SPATS2L: variants seen among roughly 807,000 people sequenced by gnomAD.
SPATS2L encodes SPATS2-like protein.
SPATS2L carries 30 observed loss-of-function variants against 59.6 expected under a neutral mutation model. That is an observed-to-expected ratio of 0.50 (90% CI 0.38 to 0.68). The LOEUF (loss-of-function observed/expected upper bound fraction) is 0.68. Ranked by LOEUF, SPATS2L falls within the 30% of genes least tolerant of loss-of-function variation. SPATS2L has a pLI of 0.00. For missense variants in SPATS2L, 615 were observed against 700.0 expected (o/e 0.88, Z 1.37); for synonymous variants, 252 against 263.5 (o/e 0.96, Z 0.42).
chr2:200,368,891 A>C (rs1490681840), intron 2 of SPATS2L, among the ~76,000 whole-genome samples: 1 of 152,206 alleles, frequency 6.6e-6, no homozygotes, highest in East Asian at 1.9e-4. Flanking sequence ...TTACATATAC[A>C]TATATAAAAT....
At chr2:200,325,628 C>T (rs890861788) in intron 1 of SPATS2L, among the ~76,000 whole-genome samples, 1 of 152,152 alleles carries the variant, frequency 6.6e-6, no homozygotes, top group Admixed American at 6.5e-5. Flanking sequence ...ATCTGCCTGC[C>T]TTAGCCTCCC....
intron 1 of SPATS2L, among the ~76,000 whole-genome samples, chr2:200,314,219 T>A (rs1403144528): frequency 6.6e-6 from 1 of 152,198 alleles, no homozygotes; most frequent in Non-Finnish European, 1.5e-5. Flanking sequence ...GTGTTTTCTA[T>A]CTCAATGAAT....
intron 2 of SPATS2L, among the ~76,000 whole-genome samples, chr2:200,350,088 T>A (rs2080667455): frequency 6.6e-6 from 1 of 152,046 alleles, no homozygotes; most frequent in East Asian, 1.9e-4. Context: ...TTGGGTTCAG[T>A]TTTCTAGAGA....
intron 11 of SPATS2L, 83 bp downstream of exon 11, chr2:200,470,099 C>A: frequency 9.0e-7 from 1 of 1,113,256 alleles, no homozygotes; most frequent in Non-Finnish European, 1.3e-6. Context: ...GTCAGGTGTG[C>A]AGTCCCCCCA....
intron 2 of SPATS2L, among the ~76,000 whole-genome samples, chr2:200,367,815 A>G (rs1256849243): frequency 6.6e-6 from 1 of 152,232 alleles, no homozygotes; most frequent in Non-Finnish European, 1.5e-5. Flanking sequence ...ATTTAGCTGC[A>G]TTCTTTAAAA....
chr2:200,470,153 A>C, intron 11 of SPATS2L, 137 bp downstream of exon 11: 80 of 639,066 alleles, frequency 1.3e-4, no homozygotes, highest in East Asian at 1.7e-4. Context: ...ATCTAAGCTC[A>C]TGACACAAGT....
intron 1 of SPATS2L, among the ~76,000 whole-genome samples, chr2:200,328,037 A>G (rs887863234): frequency 9.2e-5 from 14 of 152,110 alleles, no homozygotes; most frequent in African/African-American, 2.9e-4. Flanking sequence ...CAAGCATCCC[A>G]TTGGTTTTCT....
At chr2:200,308,795 A>G (rs1276122086) in intron 1 of SPATS2L, 3 of 425,752 alleles carry the variant, frequency 7.0e-6, no homozygotes, top group African/African-American at 6.1e-5. Flanking sequence ...CCCTGAAAAT[A>G]TTAAATGATT....
At chr2:200,468,508 C>G (rs2086787409) in intron 10 of SPATS2L, among the ~76,000 whole-genome samples, 1 of 152,196 alleles carries the variant, frequency 6.6e-6, no homozygotes. Flanking sequence ...TGGCAAGTGA[C>G]TTTTCAACTC....
At chr2:200,457,458 A>G (rs770292571) in intron 8 of SPATS2L, among the ~76,000 whole-genome samples, 1 of 152,238 alleles carries the variant, frequency 6.6e-6, no homozygotes, top group Non-Finnish European at 1.5e-5. Context: ...GTTGGGGCAG[A>G]GATGGGATAA....
chr2:200,378,160 C>T, intron 2 of SPATS2L: 1 of 931,084 alleles, frequency 1.1e-6, no homozygotes, highest in Middle Eastern at 3.8e-4. Flanking sequence ...GCCACCAACC[C>T]CCTGCTGATT....
rs2087782345 is a variant in SPATS2L at position 200,481,779 on chromosome 2, C to T, written c.*3748C>T. On this transcript the variant is annotated 3_prime_UTR_variant, in exon 13 of 13. Coordinates refer to ENST00000409140, the MANE Select transcript of SPATS2L (RefSeq NM_001100423.2). ...CACTGCAAGCTCCGCCTCCCGGGTT[C>T]ACGCCATTCTCCTGCCTCAGCCTCC... 1 of 152,224 alleles carries T rather than the reference C, an allele frequency of 6.6e-6. No homozygotes were observed. The highest frequency in any genetic ancestry group is 1.5e-5 in the Non-Finnish European group (1 of 68,060). The allele number at this position is 152,224 out of a possible 1,614,324, so 9.4% of individuals were successfully genotyped here.
intron 6 of SPATS2L, among the ~76,000 whole-genome samples, chr2:200,432,512 C>G (rs749653492): frequency 6.6e-6 from 1 of 152,146 alleles, no homozygotes; most frequent in Non-Finnish European, 1.5e-5. Context: ...ATTAGTCACC[C>G]GTTAGAACAA....
At position 200,376,159 on chromosome 2, in the gene SPATS2L, CTT is replaced by C. The variant is rs532241656; in HGVS notation, c.-22-13060_-22-13059del. Reference sequence around the variant, plus strand: ...CAAAGTGGAATTTATCAGAAGCAGTCTTTTTAAAAGGAAGGAATTCTTTTTGT... The same window carrying C: ...CAAAGTGGAATTTATCAGAAGCAGTCTTTAAAAGGAAGGAATTCTTTTTGT... On this transcript the variant is annotated intron_variant, in intron 2 of 12. Coordinates refer to ENST00000409140, the MANE Select transcript of SPATS2L (RefSeq NM_001100423.2). Among the ~76,000 whole-genome samples, 619 of 152,206 alleles carry C rather than the reference CTT, an allele frequency of 4.1e-3. 2 individuals carry two copies. The highest frequency in any genetic ancestry group is 0.014 in the African/African-American group (594 of 41,532).
At chr2:200,345,539 G>A (rs1346811299) in intron 2 of SPATS2L, among the ~76,000 whole-genome samples, 1 of 152,120 alleles carries the variant, frequency 6.6e-6, no homozygotes, top group East Asian at 1.9e-4. Context: ...CAAAATGAAG[G>A]AACTCAATTT....
chr2:200,348,961 T>G (rs930641832), intron 2 of SPATS2L, among the ~76,000 whole-genome samples: 10 of 152,238 alleles, frequency 6.6e-5, no homozygotes, highest in Admixed American at 1.3e-4. Context: ...ATGCTTTTAC[T>G]TTCTTGTGTA....
At chr2:200,392,003 A>G (rs1261623831) in intron 3 of SPATS2L, among the ~76,000 whole-genome samples, 1 of 152,208 alleles carries the variant, frequency 6.6e-6, no homozygotes, top group Non-Finnish European at 1.5e-5. Flanking sequence ...TGTATTTAAT[A>G]ATATATTCCA....
chr2:200,466,862 TGTTAAA>T (rs2106214454), intron 9 of SPATS2L, among the ~76,000 whole-genome samples: 1 of 152,362 alleles, frequency 6.6e-6, no homozygotes, highest in East Asian at 1.9e-4. Flanking sequence ...GGGCTGCTGC[TGTTAAA>T]GTTGAATAGT....
intron 2 of SPATS2L, among the ~76,000 whole-genome samples, chr2:200,374,053 C>T (rs1412032706): frequency 6.6e-6 from 1 of 152,180 alleles, no homozygotes; most frequent in African/African-American, 2.4e-5. Context: ...ATATAGACAC[C>T]TTCTCAAATA....
Sources: gnomAD v4.1 joint callset for allele counts (sites outside exome capture counted in the v4.1 genomes callset) on GRCh38, gnomAD v4.1.1 for gene constraint, MANE v1.5 for transcripts, NCBI Gene and HGNC (gene_info 2026-07-23, HGNC 2026-07-21) for gene names.